The following CDK5RAP2 variants were observed in gnomAD, a reference collection of about 807,000 sequenced individuals.
CDK5RAP2 encodes CDK5 regulatory subunit associated protein 2.
CDK5RAP2 carries 147 observed loss-of-function variants against 232.9 expected under a neutral mutation model. The ratio of observed to expected loss-of-function variants is 0.63; its 90% CI spans 0.55 to 0.72. The LOEUF (loss-of-function observed/expected upper bound fraction) is 0.72, where lower values mean the gene tolerates loss of function less well. CDK5RAP2 is among the 30% of genes least tolerant of loss of function. The pLI, the probability that CDK5RAP2 is intolerant of heterozygous loss-of-function variation, is 0.00. For missense variants in CDK5RAP2, 2,195 were observed against 2,231.5 expected (o/e 0.98, Z 0.33); for synonymous variants, 833 against 833.7 (o/e 1.00, Z 0.01).
At chr9:120,389,916 G>A in intron 36 of CDK5RAP2, 129 bp from the exon 37 acceptor site, 1 of 807,206 alleles carries the variant, frequency 1.2e-6, no homozygotes. Flanking sequence ...GAGGTCTGAA[G>A]CATCCAGACC....
At chr9:120,558,965 G>C (rs533894928) in intron 3 of CDK5RAP2, among the ~76,000 whole-genome samples, 1 of 152,096 alleles carries the variant, frequency 6.6e-6, no homozygotes, top group African/African-American at 2.4e-5. Flanking sequence ...CAAGTATCTA[G>C]AACACAGTAG....
chr9:120,459,616 C>G (rs547954051), intron 19 of CDK5RAP2, among the ~76,000 whole-genome samples: 1 of 152,104 alleles, frequency 6.6e-6, no homozygotes. Context: ...TTATTACATG[C>G]CTTTCTATTT....
At chr9:120,547,741 CA>C (rs930597969) in intron 4 of CDK5RAP2, among the ~76,000 whole-genome samples, 2 of 152,070 alleles carry the variant, frequency 1.3e-5, no homozygotes, top group African/African-American at 4.8e-5. Context: ...GGTGTGTGAA[CA>C]AAAGGACATA....
intron 1 of CDK5RAP2, among the ~76,000 whole-genome samples, chr9:120,576,180 T>C (rs970542604): frequency 6.6e-6 from 1 of 152,240 alleles, no homozygotes; most frequent in African/African-American, 2.4e-5. Flanking sequence ...TCCAAGTTTT[T>C]CTTTTACATG....
intron 35 of CDK5RAP2, 97 bp downstream of exon 35, chr9:120,400,645 G>A (rs2032923361): frequency 6.8e-7 from 1 of 1,463,148 alleles, no homozygotes; most frequent in Non-Finnish European, 9.5e-7. Flanking sequence ...CCCAAATGGT[G>A]GGCACATCTG....
chr9:120,539,677 G>A (rs145721085), intron 5 of CDK5RAP2, among the ~76,000 whole-genome samples: 84 of 152,272 alleles, frequency 5.5e-4, no homozygotes, highest in Non-Finnish European at 8.8e-4. Context: ...AATAAATGTT[G>A]GCGATACTGT....
In CDK5RAP2 at chr9:120,407,006, C is replaced by T. The variant is rs775496266; in HGVS notation, c.4963+6G>A. 17 of 1,599,700 alleles carry T rather than the reference C, an allele frequency of 1.1e-5. No individual in the cohort carries two copies. In the African/African-American group the frequency reaches 1.9e-4, roughly 18 times the overall value. ...CTCAGCAAGTGGGGAGAGGCAGGGG[C>T]AGTACCGTGTTTGTCAGGCTGAAGG... On this transcript the variant is annotated splice_donor_region_variant and intron_variant, in intron 32 of 37. Coordinates refer to ENST00000349780, the MANE Select transcript of CDK5RAP2 (RefSeq NM_018249.6).
At chr9:120,476,094 G>T (rs1164108671) in intron 15 of CDK5RAP2, among the ~76,000 whole-genome samples, 3 of 152,086 alleles carry the variant, frequency 2.0e-5, no homozygotes, top group Non-Finnish European at 4.4e-5. Flanking sequence ...GTACAGGCAG[G>T]AACACACAGC....
chr9:120,540,208 T>C (rs1309563077), intron 5 of CDK5RAP2, among the ~76,000 whole-genome samples: 2 of 152,208 alleles, frequency 1.3e-5, no homozygotes, highest in Non-Finnish European at 2.9e-5. Flanking sequence ...GTGTCGGACA[T>C]GACTCTGTAA....
rs2041085564 is a variant in CDK5RAP2, at chr9:120,530,149, GA to G, written c.663-10del. On this transcript the variant is annotated splice_polypyrimidine_tract_variant and intron_variant, in intron 7 of 37. Transcript: ENST00000349780. Reference sequence around the variant, plus strand: ...TCAACTCCTCAATCAGTCTAAAAGAGAACAAAATTTAAATATTAATTCTAAG... The same window carrying G: ...TCAACTCCTCAATCAGTCTAAAAGAGACAAAATTTAAATATTAATTCTAAG... 6.2e-7 allele frequency: 1 copy of G among 1,608,860 alleles called. No homozygotes were observed. Among genetic ancestry groups the G allele is most frequent in the African/African-American group, 1.3e-5 (1 of 74,926 alleles).
chr9:120,455,782 T>G (rs1355620603), intron 20 of CDK5RAP2, among the ~76,000 whole-genome samples: 1 of 149,716 alleles, frequency 6.7e-6, no homozygotes, highest in Non-Finnish European at 1.5e-5. Flanking sequence ...TGCTGCTGCA[T>G]AGAGAATGGA....
intron 15 of CDK5RAP2, among the ~76,000 whole-genome samples, chr9:120,474,134 CT>C (rs1265053362): frequency 6.6e-6 from 1 of 152,162 alleles, no homozygotes; most frequent in Non-Finnish European, 1.5e-5. Context: ...AATACCTTTG[CT>C]TTGCGATTGT....
chr9:120,441,696 A>G (rs1175239667), intron 23 of CDK5RAP2, among the ~76,000 whole-genome samples: 1 of 152,030 alleles, frequency 6.6e-6, no homozygotes, highest in East Asian at 1.9e-4. Context: ...CTTGAGGTAC[A>G]CTCTTGTATC....
chr9:120,496,743 T>G (rs1588487065), intron 12 of CDK5RAP2, among the ~76,000 whole-genome samples: 9 of 100,028 alleles, frequency 9.0e-5, no homozygotes, highest in Admixed American at 1.1e-4. Flanking sequence ...GGTTGGGGGG[T>G]CAGCCCCCCG....
intron 29 of CDK5RAP2, among the ~76,000 whole-genome samples, chr9:120,410,948 C>T (rs2033809691): frequency 1.3e-5 from 2 of 152,214 alleles, no homozygotes; most frequent in South Asian, 4.1e-4. Context: ...ACAGGATAAA[C>T]TTTGCTGATA....
At chr9:120,390,779 C>T (rs1334670616) in intron 36 of CDK5RAP2, among the ~76,000 whole-genome samples, 2 of 152,236 alleles carry the variant, frequency 1.3e-5, no homozygotes, top group Admixed American at 6.5e-5. Context: ...GCCCAACACA[C>T]ATAGCCTGAC....
chr9:120,456,789 A>G (rs929239491), intron 20 of CDK5RAP2, among the ~76,000 whole-genome samples: 6 of 152,190 alleles, frequency 3.9e-5, no homozygotes, highest in Non-Finnish European at 7.4e-5. Context: ...AACACAATAA[A>G]ACTGAGGAAA....
chr9:120,522,079 AAT>A (rs1172971261), intron 11 of CDK5RAP2, among the ~76,000 whole-genome samples: 3 of 152,212 alleles, frequency 2.0e-5, no homozygotes, highest in Admixed American at 2.0e-4. Flanking sequence ...CAGTAAAAAT[AAT>A]ATGTTACCTC....
At chr9:120,425,744 T>A (rs1371954053) in intron 25 of CDK5RAP2, among the ~76,000 whole-genome samples, 6 of 152,224 alleles carry the variant, frequency 3.9e-5, no homozygotes, top group Non-Finnish European at 8.8e-5. Flanking sequence ...AGATGTTTCT[T>A]CCTTTCCACC....
Sources: gnomAD v4.1 joint callset for allele counts (sites outside exome capture counted in the v4.1 genomes callset) on GRCh38, gnomAD v4.1.1 for gene constraint, MANE v1.5 for transcripts, NCBI Gene and HGNC (gene_info 2026-07-23, HGNC 2026-07-21) for gene names.